AFDN: variants seen among roughly 807,000 people sequenced by gnomAD.
AFDN encodes afadin, adherens junction formation factor.
In AFDN, 68 loss-of-function variants were observed where a neutral mutation model predicts 216.6. The observed-to-expected ratio is 0.31, with a 90% CI of 0.26 to 0.38. The LOEUF is 0.38. AFDN is among the 10% of genes least tolerant of loss of function. The pLI is 1.00. For missense variants in AFDN, 2,136 were observed against 2,342.0 expected (o/e 0.91, Z 1.82); for synonymous variants, 868 against 853.7 (o/e 1.02, Z -0.29).
At chr6:167,863,976 GT>G (rs1783876374) in intron 1 of AFDN, among the ~76,000 whole-genome samples, 1 of 152,118 alleles carries the variant, frequency 6.6e-6, no homozygotes, top group Admixed American at 6.5e-5. Flanking sequence ...AAAATTAAGA[GT>G]TTTCATTTAT....
At chr6:167,916,215 C>G (rs186814431) in intron 19 of AFDN, among the ~76,000 whole-genome samples, 1 of 152,316 alleles carries the variant, frequency 6.6e-6, no homozygotes, top group African/African-American at 2.4e-5. Context: ...ACGGCATTCT[C>G]CTTGTTTGCC....
At chr6:167,964,700 T>TG (rs1458767860) in intron 31 of AFDN, 1 of 1,059,334 alleles carries the variant, frequency 9.4e-7, no homozygotes, top group Non-Finnish European at 1.1e-6. Context: ...AGGATGAAAT[T>TG]GAAAACAGGG....
chr6:167,917,187 A>G lies in AFDN; in HGVS notation c.2664A>G (p.Leu888=), dbSNP rs775840347. ...TAAATTCATTACAACTTCAAGCCTT[A>G]TTACAGAACTATCACTGTGCACCTG... ...FKLNSLQLQA[L]LQNYHCAPDE... The change falls in exon 20 of 34, where the codon TTA becomes TTG. Residue 888 remains leucine, a synonymous_variant. Transcript: ENST00000683244. The G allele has an allele frequency of 4.3e-6, 7 of 1,610,766 alleles. No homozygotes were observed. Among genetic ancestry groups the G allele is most frequent in the Non-Finnish European group, 5.1e-6 (6 of 1,179,170 alleles).
chr6:167,868,762 C>CTTTTT (rs35300672), intron 2 of AFDN, among the ~76,000 whole-genome samples: 15 of 122,544 alleles, frequency 1.2e-4, no homozygotes, highest in South Asian at 2.7e-4. Context: ...ATTGTGCAAT[C>CTTTTT]TTTTTTTTTT....
intron 23 of AFDN, among the ~76,000 whole-genome samples, chr6:167,930,662 A>G (rs1457329201): frequency 6.6e-6 from 1 of 151,970 alleles, no homozygotes; most frequent in Non-Finnish European, 1.5e-5. Context: ...GACTGTGGAG[A>G]TTTTCTGCTT....
rs114737260 is a variant in AFDN, at chr6:167,925,155, C to T, written c.3099+64C>T. The T allele has an allele frequency of 2.2e-3, 2,624 of 1,186,588 alleles. 54 individuals are homozygous for T. In the African/African-American group the frequency reaches 0.036, roughly 16 times the overall value. 73.5% of individuals were successfully genotyped at this position (1,186,588 alleles called of 1,614,324 possible). ...CTTTCGGCATTGAATCAGTGGTTGT[C>T]AGAGTGGATCGTGTGGGAGTACTTT... On this transcript the variant is annotated intron_variant, in intron 23 of 33. Coordinates refer to ENST00000683244, the MANE Select transcript of AFDN (RefSeq NM_001386888.1).
rs1239093197 is a variant in AFDN, at chr6:167,970,356, G to A, written c.*421G>A. On this transcript the variant is annotated 3_prime_UTR_variant, in exon 34 of 34. Transcript: ENST00000683244. ...GAAACTTTATTTTAGCTGTCAAGCA[G>A]AGAATAGCTTGAACTATTCAGACTA... The A allele has an allele frequency of 2.7e-5, 7 of 256,266 alleles. No homozygotes were observed. The highest frequency in any genetic ancestry group is 3.0e-5 in the Non-Finnish European group (4 of 135,454). 15.9% of individuals were successfully genotyped at this position (256,266 alleles called of 1,614,324 possible).
chr6:167,858,533 C>T (rs887944812), intron 1 of AFDN, among the ~76,000 whole-genome samples: 3 of 152,172 alleles, frequency 2.0e-5, no homozygotes, highest in Admixed American at 6.6e-5. Context: ...TTTCAGTGAA[C>T]TTGGTCTTTC....
chr6:167,924,034 T>G (rs1792172527), intron 22 of AFDN, among the ~76,000 whole-genome samples: 1 of 152,212 alleles, frequency 6.6e-6, no homozygotes, highest in Non-Finnish European at 1.5e-5. Context: ...CTAGGTAGAT[T>G]CACTCATTCC....
At chr6:167,952,294 G>A (rs779677151) in intron 30 of AFDN, 107 bp downstream of exon 30, 1 of 1,572,754 alleles carries the variant, frequency 6.4e-7, no homozygotes, top group Non-Finnish European at 8.6e-7. Flanking sequence ...GGATTAAAAG[G>A]GCCCCTAGGC....
chr6:167,897,108 C>G (rs1788358631), intron 10 of AFDN, 136 bp downstream of exon 10: 2 of 455,684 alleles, frequency 4.4e-6, no homozygotes, highest in Non-Finnish European at 7.7e-6. Context: ...TTTATCTACT[C>G]TGGGTCACTT....
chr6:167,914,395 T>G, intron 17 of AFDN, 82 bp downstream of exon 17: 1 of 1,523,256 alleles, frequency 6.6e-7, no homozygotes, highest in South Asian at 1.2e-5. Flanking sequence ...AAACTAATTT[T>G]AAGATTTATA....
In AFDN at chr6:167,951,510, T is replaced by C. The variant is rs748900150; in HGVS notation, c.4156T>C (p.Phe1386Leu). The C allele has an allele frequency of 6.2e-7, 1 of 1,613,920 alleles. No homozygotes were observed. The highest frequency in any genetic ancestry group is 8.5e-7 in the Non-Finnish European group (1 of 1,179,972). Residue 1386 changes from phenylalanine to leucine, a missense_variant, in exon 30 of 34, where the codon TTC (phenylalanine) becomes CTC (leucine). By Grantham distance (22) the Phe-to-Leu change is conservative. This residue lies in a region of AFDN where 981 missense variants were observed against 966.0 expected (regional missense o/e 1.02). Coordinates refer to ENST00000683244, the MANE Select transcript of AFDN (RefSeq NM_001386888.1). This position sits in a 1 kb window ranked among gnomAD's most constrained non-coding sequence, Gnocchi z 7.1. Reference protein sequence around the residue: ...PPPPVHYAGDFDGMSMDLPLP... With the variant: ...PPPPVHYAGDLDGMSMDLPLP... ...ACCTCCAGTCCACTATGCCGGTGAT[T>C]TCGATGGAATGTCCATGGATTTGCC...
chr6:167,953,988 TGTA>T (rs1402790211), intron 30 of AFDN, among the ~76,000 whole-genome samples: 8 of 152,240 alleles, frequency 5.3e-5, no homozygotes, highest in African/African-American at 9.6e-5. Flanking sequence ...AAATTAGCCT[TGTA>T]GTATTTCTGT....
intron 21 of AFDN, among the ~76,000 whole-genome samples, chr6:167,919,772 C>A (rs879399731): frequency 6.6e-6 from 1 of 152,206 alleles, no homozygotes; most frequent in Non-Finnish European, 1.5e-5. Flanking sequence ...AAATTTTAAT[C>A]CCAGTCTGCC....
In AFDN at chr6:167,876,973, C is replaced by T. The variant is rs543511338; in HGVS notation, c.739+1478C>T. The stretch of plus-strand genomic sequence containing the variant: ...CTAAGCTTTATATCTGGAGAGATGA[C>T]TGTGGAAGCAGAGTGGAAGATGGAT... On this transcript the variant is annotated intron_variant, in intron 5 of 33. Coordinates refer to ENST00000683244, the MANE Select transcript of AFDN (RefSeq NM_001386888.1). Among the ~76,000 whole-genome samples, 14 of 152,138 alleles carry T rather than the reference C, an allele frequency of 9.2e-5. No individual in the cohort carries two copies. The East Asian group carries it at 2.5e-3, about 27-fold the overall frequency.
chr6:167,865,850 G>A (rs551794217), intron 2 of AFDN, among the ~76,000 whole-genome samples: 3 of 150,366 alleles, frequency 2.0e-5, no homozygotes, highest in East Asian at 3.9e-4. Context: ...TATGAAAATA[G>A]ACTAAAGTGT....
chr6:167,951,845 C>G lies in AFDN; in HGVS notation c.4491C>G (p.Ile1497Met), dbSNP rs377069127. 27 of 1,613,994 alleles carry G rather than the reference C, an allele frequency of 1.7e-5. No individual in the cohort carries two copies. Among genetic ancestry groups the G allele is most frequent in the Non-Finnish European group, 2.2e-5 (26 of 1,180,026 alleles). The change falls in exon 30 of 34, where the codon ATC becomes ATG. Residue 1497 changes from isoleucine to methionine, a missense_variant. This residue lies in a region of AFDN where 981 missense variants were observed against 966.0 expected (regional missense o/e 1.02). Coordinates refer to ENST00000683244, the MANE Select transcript of AFDN (RefSeq NM_001386888.1). This position sits in a 1 kb window ranked among gnomAD's most constrained non-coding sequence, Gnocchi z 7.1. Reference protein sequence around the residue: ...ELQPQQQPRTIERRDLQYITV... With the variant: ...ELQPQQQPRTMERRDLQYITV... The stretch of plus-strand genomic sequence containing the variant: ...AGCCTCAGCAGCAGCCCCGCACGAT[C>G]GAGCGCAGAGACTTGCAGTACATTA...
At chr6:167,897,906 A>C (rs1162982554) in intron 10 of AFDN, among the ~76,000 whole-genome samples, 1 of 151,960 alleles carries the variant, frequency 6.6e-6, no homozygotes, top group Non-Finnish European at 1.5e-5. Context: ...GGCCTCCCAA[A>C]GTGCTGGGAT....
Sources: allele counts gnomAD v4.1 joint callset (sites outside exome capture counted in the v4.1 genomes callset), GRCh38; gene constraint gnomAD v4.1.1; regional missense constraint gnomAD v4.1.1; non-coding constraint Gnocchi (gnomAD v3.1); transcripts MANE v1.5; gene names NCBI Gene and HGNC (gene_info 2026-07-23, HGNC 2026-07-21).